The following FGR variants were observed in gnomAD, a reference collection of about 807,000 sequenced individuals.
The protein encoded by FGR is tyrosine-protein kinase Fgr.
A neutral mutation model predicts 63.2 loss-of-function variants in FGR; 26 were observed. That is an observed-to-expected ratio of 0.41 (90% CI 0.30 to 0.57). The LOEUF (loss-of-function observed/expected upper bound fraction) is 0.57, where lower values mean the gene tolerates loss of function less well. Among genes scored for constraint, FGR ranks in the 20% least tolerant of loss-of-function variants. The probability of loss-of-function intolerance (pLI) is 0.27; values close to 1 mark genes in which losing one functional copy is unlikely to be tolerated. For missense variants in FGR, 511 were observed against 690.8 expected, an observed-to-expected ratio of 0.74 and a Z score of 2.92; for synonymous variants, 286 against 277.7, an observed-to-expected ratio of 1.03 and a Z score of -0.30.
In FGR at chr1:27,623,128, C is replaced by G. The variant is rs2231869; in HGVS notation, c.243G>C (p.Leu81=). The change falls in exon 4 of 13, where the codon CTG becomes CTC. Residue 81 remains leucine (L), a synonymous_variant. Transcript: ENST00000374005. ...IRGVSGIGVT[L]FIALYDYEAR... ...CCTCATAGTCATACAGGGCAATGAA[C>G]AGGGTCACCCCAATCCCTGCAGAGT... 4.5e-4 allele frequency: 728 copies of G among 1,613,914 alleles called. 4 individuals carry two copies. The African/African-American group carries it at 8.7e-3, about 19-fold the overall frequency.
Position 27,623,034 on chromosome 1 carries a change from T to C in FGR, c.329+8A>G. 2 of 1,603,710 alleles carry C rather than the reference T, an allele frequency of 1.2e-6. No homozygotes were observed. Among genetic ancestry groups the C allele is most frequent in the Non-Finnish European group, 1.7e-6 (2 of 1,170,434 alleles). On this transcript the variant is annotated splice_region_variant and intron_variant, in intron 4 of 12. Coordinates refer to ENST00000374005, the MANE Select transcript of FGR (RefSeq NM_005248.3). Reference sequence around the variant, plus strand: ...GCAATGTTCTGACTAGGTGGCCTGGTCACTTACGTATTGTTCAGGATGTGG... The same window carrying C: ...GCAATGTTCTGACTAGGTGGCCTGGCCACTTACGTATTGTTCAGGATGTGG...
In FGR at chr1:27,623,714, C is replaced by T; in HGVS notation, c.203G>A (p.Ser68Asn). 6.2e-7 allele frequency: 1 copy of T among 1,614,228 alleles called. No homozygotes were observed. The change falls in exon 3 of 13, where the codon AGT becomes AAT. Residue 68 changes from serine to asparagine, a missense_variant. By Grantham distance (46) the Ser-to-Asn change is conservative. Transcript: ENST00000374005. ...SQAINPGFLDSGTIRGVSGIG... is the reference protein window; with the variant it reads ...SQAINPGFLDNGTIRGVSGIG... ...ACCTGACACACCCCTGATGGTGCCACTATCAAGGAAGCCAGGGTTGATGGC... is the reference window on the plus strand; with the variant it reads ...ACCTGACACACCCCTGATGGTGCCATTATCAAGGAAGCCAGGGTTGATGGC...
At chr1:27,627,150 A>G (rs947786237) in intron 1 of FGR, among the ~76,000 whole-genome samples, 6 of 152,042 alleles carry the variant, frequency 3.9e-5, no homozygotes, top group Non-Finnish European at 8.8e-5. Context: ...CCAGCCTGGG[A>G]GACAGAGTAA....
At chr1:27,620,644 A>G (rs1441558911) in intron 5 of FGR, among the ~76,000 whole-genome samples, 8 of 151,980 alleles carry the variant, frequency 5.3e-5, no homozygotes, top group African/African-American at 1.9e-4. Context: ...TAACGGTGTT[A>G]TTGTGAGAAT....
chr1:27,614,933 A>T lies in FGR; in HGVS notation c.1019-7T>A. Reference sequence around the variant, plus strand: ...AGAAAATCCAGCAAGCTGCCTGGGAAGAAGCCAGAAAGTCAGCGGCAAAGC... The same window carrying T: ...AGAAAATCCAGCAAGCTGCCTGGGATGAAGCCAGAAAGTCAGCGGCAAAGC... On this transcript the variant is annotated splice_polypyrimidine_tract_variant and splice_region_variant and intron_variant, in intron 9 of 12. Transcript: ENST00000374005. 1 of 1,593,426 alleles carries T rather than the reference A, an allele frequency of 6.3e-7. No individual in the cohort carries two copies.
intron 2 of FGR, 56 bp from the exon 3 acceptor site, chr1:27,623,985 C>A: frequency 7.1e-7 from 1 of 1,399,280 alleles, no homozygotes; most frequent in South Asian, 1.3e-5. Flanking sequence ...CCACCCTGTG[C>A]ACACACGCGC....
rs938623409 is a variant in FGR at position 27,617,944 on chromosome 1, C to T, written c.429-648G>A. Among the ~76,000 whole-genome samples, 8 of 152,204 alleles carry T rather than the reference C, an allele frequency of 5.3e-5. No individual in the cohort carries two copies. Among genetic ancestry groups the T allele is most frequent in the Admixed American group, 2.6e-4 (4 of 15,280 alleles). On this transcript the variant is annotated intron_variant, in intron 5 of 12. Coordinates refer to ENST00000374005, the MANE Select transcript of FGR (RefSeq NM_005248.3). The surrounding 1 kb of genome is among the most constrained non-coding windows in gnomAD (Gnocchi z 4.5). ...TTGGGGATTCTTTCTGGGATTGAAC[C>T]GTAGCCCTAAACCAACTGTGCAGGT...
At chr1:27,614,972 C>T in intron 9 of FGR, 46 bp from the exon 10 acceptor site, 2 of 1,475,814 alleles carry the variant, frequency 1.4e-6, no homozygotes, top group South Asian at 1.2e-5. Flanking sequence ...ACCCCGGGCC[C>T]CAGCCCCTCC....
intron 1 of FGR, among the ~76,000 whole-genome samples, chr1:27,629,050 A>G (rs905894420): frequency 6.6e-6 from 1 of 152,168 alleles, no homozygotes; most frequent in African/African-American, 2.4e-5. Context: ...ATGGGGAAAG[A>G]CAGAAAAAGG....
Position 27,615,686 on chromosome 1 carries a change from T to C in FGR, c.838+3A>G. On this transcript the variant is annotated splice_donor_region_variant and intron_variant, in intron 8 of 12. Coordinates refer to ENST00000374005, the MANE Select transcript of FGR (RefSeq NM_005248.3). This position sits in a 1 kb window ranked among gnomAD's most constrained non-coding sequence, Gnocchi z 7.6. The stretch of plus-strand genomic sequence containing the variant: ...CTCGTCCCGGCCCCCGGGAGCTCCG[T>C]ACCCAGCCACACATCCCCGAAGCAG... 1 of 1,600,426 alleles carries C rather than the reference T, an allele frequency of 6.2e-7. No homozygotes were observed. Among genetic ancestry groups the C allele is most frequent in the Non-Finnish European group, 8.5e-7 (1 of 1,170,132 alleles).
chr1:27,617,128 C>A lies in FGR; in HGVS notation c.532+65G>T. On this transcript the variant is annotated intron_variant, in intron 6 of 12. Transcript: ENST00000374005. This position sits in a 1 kb window ranked among gnomAD's most constrained non-coding sequence, Gnocchi z 4.5. ...TCTTGGCCTTAACCCAAGCAGCCTACCGCTCCTAGCCCTACCCCAATGGCT... is the reference window on the plus strand; with the variant it reads ...TCTTGGCCTTAACCCAAGCAGCCTAACGCTCCTAGCCCTACCCCAATGGCT... 6.3e-7 allele frequency: 1 copy of A among 1,595,996 alleles called. No individual in the cohort carries two copies. The highest frequency in any genetic ancestry group is 8.6e-7 in the Non-Finnish European group (1 of 1,165,086).
rs530436586 is a variant in FGR, at chr1:27,612,713, G to A, written c.*201C>T. The stretch of plus-strand genomic sequence containing the variant: ...AAGAAATAGTGCTTGGGGCCAGAGC[G>A]GATGAGAGATCAGCTCTGGGCCTCC... On this transcript the variant is annotated 3_prime_UTR_variant, in exon 13 of 13. Coordinates refer to ENST00000374005, the MANE Select transcript of FGR (RefSeq NM_005248.3). 1.0e-4 allele frequency: 59 copies of A among 582,372 alleles called. No individual in the cohort carries two copies. Among genetic ancestry groups the A allele is most frequent in the Non-Finnish European group, 1.5e-4 (49 of 325,726 alleles). The allele number at this position is 582,372 out of a possible 1,614,324, so 36.1% of individuals were successfully genotyped here. A position where few individuals can be genotyped will look rare whatever the true frequency, so the allele number is the denominator to read the frequency against.
chr1:27,625,863 T>C (rs977857263), intron 1 of FGR, among the ~76,000 whole-genome samples: 1 of 152,114 alleles, frequency 6.6e-6, no homozygotes, highest in African/African-American at 2.4e-5. Flanking sequence ...CACTTGAACC[T>C]GGGAGGTGGA....
At chr1:27,628,285 C>A (rs1462553965) in intron 1 of FGR, among the ~76,000 whole-genome samples, 1 of 151,966 alleles carries the variant, frequency 6.6e-6, no homozygotes, top group African/African-American at 2.4e-5. Context: ...GAGATAGAGG[C>A]TGCAGTGAGC....
chr1:27,614,164 G>A (rs553493108), intron 11 of FGR, among the ~76,000 whole-genome samples: 3 of 152,164 alleles, frequency 2.0e-5, no homozygotes, highest in Non-Finnish European at 4.4e-5. Context: ...CAGGTGCCTG[G>A]TAAACATCTG....
Position 27,616,106 on chromosome 1 carries a change from C to T in FGR, c.683-262G>A, listed in dbSNP as rs961971633. 3.9e-5 allele frequency among the ~76,000 whole-genome samples: 6 copies of T among 152,196 alleles called. No individual in the cohort carries two copies. Among genetic ancestry groups the T allele is most frequent in the Non-Finnish European group, 8.8e-5 (6 of 68,022 alleles). On this transcript the variant is annotated intron_variant, in intron 7 of 12. Transcript: ENST00000374005. The surrounding 1 kb of genome is among the most constrained non-coding windows in gnomAD (Gnocchi z 4.3). ...ACTGGGGGCCTCCCATAGGAGGTAG[C>T]CTCCAGCTGGGCCTTGAAGGATAAG...
intron 1 of FGR, among the ~76,000 whole-genome samples, chr1:27,631,957 C>T (rs967381723): frequency 9.9e-5 from 15 of 152,066 alleles, no homozygotes; most frequent in Non-Finnish European, 1.9e-4. Context: ...GCAGGTGACT[C>T]CCATCCCACT....
chr1:27,631,553 A>G (rs913342204), intron 1 of FGR, among the ~76,000 whole-genome samples: 1 of 152,354 alleles, frequency 6.6e-6, no homozygotes, highest in South Asian at 2.1e-4. Flanking sequence ...GAGCGGCAGC[A>G]TCTTTGCCTA....
chr1:27,623,991 C>G (rs2231867), intron 2 of FGR, 62 bp from the exon 3 acceptor site: 1 of 1,348,268 alleles, frequency 7.4e-7, no homozygotes, highest in Non-Finnish European at 1.0e-6. Flanking sequence ...TGTGCACACA[C>G]GCGCATGCAC....
Sources: gnomAD v4.1 joint callset for allele counts (sites outside exome capture counted in the v4.1 genomes callset) on GRCh38, gnomAD v4.1.1 for gene constraint, Gnocchi (gnomAD v3.1) non-coding constraint, MANE v1.5 for transcripts, NCBI Gene and HGNC (gene_info 2026-07-23, HGNC 2026-07-21) for gene names.